The following ACRBP variants were observed in gnomAD, a reference collection of about 807,000 sequenced individuals.
The protein encoded by ACRBP is acrosin-binding protein.
A neutral mutation model predicts 69.0 loss-of-function variants in ACRBP; 52 were observed. That is an observed-to-expected ratio of 0.75 (90% CI 0.60 to 0.95). The LOEUF (loss-of-function observed/expected upper bound fraction) is 0.95. ACRBP is among the 40% of genes least tolerant of loss of function. ACRBP has a pLI of 0.00. For synonymous variants in ACRBP, 267 were observed against 258.9 expected, an observed-to-expected ratio of 1.03 and a Z score of -0.30; for missense variants, 604 against 673.0, an observed-to-expected ratio of 0.90 and a Z score of 1.13.
At position 6,640,639 on chromosome 12, in the gene ACRBP, GCTT is replaced by G. The variant is rs2136249261; in HGVS notation, c.1078-120_1078-118del. 8.5e-7 allele frequency: 1 copy of G among 1,179,446 alleles called. No individual in the cohort carries two copies. The highest frequency in any genetic ancestry group is 2.6e-5 in the Admixed American group (1 of 38,992). The allele number at this position is 1,179,446 out of a possible 1,614,324, so 73.1% of individuals were successfully genotyped here. A position where few individuals can be genotyped will look rare whatever the true frequency, so the allele number is the denominator to read the frequency against. On this transcript the variant is annotated intron_variant, in intron 6 of 9. Transcript: ENST00000229243. This position sits in a 1 kb window ranked among gnomAD's most constrained non-coding sequence, Gnocchi z 5.3. Reference sequence around the variant, plus strand: ...TCTTTGCATTTAGCCTCTTCCAAAAGCTTCTCTGGGTTTTCTACTTGGCCTCCT... The same window carrying G: ...TCTTTGCATTTAGCCTCTTCCAAAAGCTCTGGGTTTTCTACTTGGCCTCCT...
chr12:6,639,562 A>G (rs1039996203), intron 8 of ACRBP, among the ~76,000 whole-genome samples: 3 of 152,062 alleles, frequency 2.0e-5, no homozygotes, highest in African/African-American at 7.2e-5. Flanking sequence ...ACAGGAGGAG[A>G]GGCCTGGATC....
At chr12:6,645,389 G>A in intron 3 of ACRBP, 52 bp from the exon 4 acceptor site, 1 of 1,395,196 alleles carries the variant, frequency 7.2e-7, no homozygotes, top group Non-Finnish European at 1.0e-6. Context: ...GCAGACTTCT[G>A]CTCCAGCTGG....
At position 6,644,415 on chromosome 12, in the gene ACRBP, T is replaced by C. The variant is rs758605145; in HGVS notation, c.666A>G (p.Gln222=). ...TTCCCTCCTCTTCCTGTTCCTCTTC[T>C]TGCTCTTCCTGTTTCTGCCCCTCTT... ...KQEEGQKQEE[Q]EEEQEEEGKQ... is the part of the protein sequence containing the mutation. The change falls in exon 5 of 10, where the codon CAA becomes CAG. Residue 222 remains glutamine, a synonymous_variant. Coordinates refer to ENST00000229243, the MANE Select transcript of ACRBP (RefSeq NM_032489.3). 6.2e-7 allele frequency: 1 copy of C among 1,614,126 alleles called. No individual in the cohort carries two copies. Among genetic ancestry groups the C allele is most frequent in the East Asian group, 2.2e-5 (1 of 44,866 alleles).
At chr12:6,639,361 A>G (rs1031060077) in intron 8 of ACRBP, among the ~76,000 whole-genome samples, 1 of 152,168 alleles carries the variant, frequency 6.6e-6, no homozygotes, top group Non-Finnish European at 1.5e-5. Context: ...TAGTGGCCTG[A>G]TGTCAAGGAT....
intron 6 of ACRBP, among the ~76,000 whole-genome samples, chr12:6,641,660 C>T (rs151132870): frequency 8.0e-4 from 122 of 152,290 alleles, no homozygotes; most frequent in Middle Eastern, 6.8e-3. Context: ...TGTAATATTA[C>T]TGTATCCATA....
At chr12:6,644,638 C>G (rs1416036896) in intron 4 of ACRBP, 33 bp from the exon 5 acceptor site, 2 of 1,570,208 alleles carry the variant, frequency 1.3e-6, no homozygotes, top group East Asian at 2.2e-5. Context: ...GGGAGAGAGA[C>G]AGTCAGGCTT....
At chr12:6,641,200 A>G (rs953178969) in intron 6 of ACRBP, among the ~76,000 whole-genome samples, 4 of 152,186 alleles carry the variant, frequency 2.6e-5, no homozygotes, top group African/African-American at 7.2e-5. Flanking sequence ...CTTGGAAGCT[A>G]TTCTTCAGAG....
In ACRBP at chr12:6,640,258, T is replaced by C; in HGVS notation, c.1258-31A>G. The C allele has an allele frequency of 6.2e-7, 1 of 1,613,298 alleles. No homozygotes were observed. Among genetic ancestry groups the C allele is most frequent in the Non-Finnish European group, 8.5e-7 (1 of 1,179,394 alleles). Reference sequence around the variant, plus strand: ...GCACAGGAGATAGGGGAGAGGTGCGTGCCCCTCCCCACCTGCTGGCCACCA... The same window carrying C: ...GCACAGGAGATAGGGGAGAGGTGCGCGCCCCTCCCCACCTGCTGGCCACCA... On this transcript the variant is annotated intron_variant, in intron 7 of 9. Coordinates refer to ENST00000229243, the MANE Select transcript of ACRBP (RefSeq NM_032489.3). This position sits in a 1 kb window ranked among gnomAD's most constrained non-coding sequence, Gnocchi z 5.3.
In ACRBP at chr12:6,647,427, A is replaced by C. The variant is rs914567083; in HGVS notation, c.-61T>G. ...AGCCGCCTCTAACGGGCCAAGCCGC[A>C]GAGAGAGCCGCAGGCGCGGGGCGGG... On this transcript the variant is annotated 5_prime_UTR_variant, in exon 1 of 10. Coordinates refer to ENST00000229243, the MANE Select transcript of ACRBP (RefSeq NM_032489.3). 2.1e-6 allele frequency: 3 copies of C among 1,456,900 alleles called. No homozygotes were observed. The highest frequency in any genetic ancestry group is 2.9e-5 in the Admixed American group (1 of 34,352). The allele number at this position is 1,456,900 out of a possible 1,614,324, so 90.2% of individuals were successfully genotyped here.
Position 6,638,368 on chromosome 12 carries a change from T to C in ACRBP, c.1546A>G (p.Ser516Gly), listed in dbSNP as rs774380289. 1.9e-6 allele frequency: 3 copies of C among 1,613,984 alleles called. No homozygotes were observed. Among genetic ancestry groups the C allele is most frequent in the South Asian group, 2.2e-5 (2 of 91,088 alleles). ...TCACTTTTGCCAGGGCTCAGCGCAC[T>C]GTAAGTCTCATTCTGCAGACATCTC... is the stretch of plus-strand genomic sequence containing the variant. ...RMRCLQNETYSALSPGKSEDV... is the reference protein window; with the variant it reads ...RMRCLQNETYGALSPGKSEDV... The change falls in exon 10 of 10, where the codon AGT becomes GGT. Residue 516 changes from serine (S) to glycine (G), a missense_variant. Ser to Gly is a moderately conservative substitution (Grantham distance 56). This residue lies in a region of ACRBP where 51 missense variants were observed against 60.1 expected (regional missense o/e 0.85). Transcript: ENST00000229243.
chr12:6,642,689 T>TA (rs1263423311), intron 6 of ACRBP, among the ~76,000 whole-genome samples: 2 of 152,230 alleles, frequency 1.3e-5, no homozygotes, highest in Admixed American at 6.5e-5. Flanking sequence ...CATTCATTTT[T>TA]ATGTTATTCT....
rs937802667 is a variant in ACRBP, at chr12:6,640,964, T to C, written c.1078-442A>G. On this transcript the variant is annotated intron_variant, in intron 6 of 9. Coordinates refer to ENST00000229243, the MANE Select transcript of ACRBP (RefSeq NM_032489.3). This position sits in a 1 kb window ranked among gnomAD's most constrained non-coding sequence, Gnocchi z 5.3. ...AAGAGGTGACCCAGTGCCAGCACTA[T>C]GGCTACACATGCTCTCATTTCATTT... Among the ~76,000 whole-genome samples the C allele has an allele frequency of 3.9e-5, 6 of 152,358 alleles. No individual in the cohort carries two copies. Among genetic ancestry groups the C allele is most frequent in the African/African-American group, 1.4e-4 (6 of 41,592 alleles).
chr12:6,643,096 A>T (rs536201639), intron 6 of ACRBP, among the ~76,000 whole-genome samples: 13 of 151,910 alleles, frequency 8.6e-5, no homozygotes, highest in African/African-American at 2.9e-4. Flanking sequence ...TACAAAAAAT[A>T]AAAAAAAATT....
chr12:6,638,779 G>A (rs994654634), intron 9 of ACRBP, 175 bp downstream of exon 9: 36 of 1,452,374 alleles, frequency 2.5e-5, no homozygotes, highest in African/African-American at 1.0e-4. Context: ...CCTTGCTTCC[G>A]CCAGGACTGG....
chr12:6,642,248 C>G (rs917011715), intron 6 of ACRBP, among the ~76,000 whole-genome samples: 1 of 152,146 alleles, frequency 6.6e-6, no homozygotes. Context: ...AGTTTGTCCC[C>G]AATCAGTATT....
At chr12:6,646,728 G>T (rs1181002928) in intron 2 of ACRBP, 66 bp downstream of exon 2, 6 of 1,589,108 alleles carry the variant, frequency 3.8e-6, no homozygotes, top group South Asian at 1.1e-5. Context: ...GAGCACAGGG[G>T]TTTTTGCCCT....
chr12:6,645,673 T>TTC (rs1249941518), intron 3 of ACRBP, among the ~76,000 whole-genome samples: 1 of 150,930 alleles, frequency 6.6e-6, no homozygotes, highest in Non-Finnish European at 1.5e-5. Context: ...TTTGTTTTTT[T>TTC]TTTTTGAGAC....
chr12:6,645,186 G>T, intron 4 of ACRBP, 34 bp downstream of exon 4: 1 of 1,507,428 alleles, frequency 6.6e-7, no homozygotes, highest in Non-Finnish European at 9.2e-7. Context: ...TGTGGGAGTA[G>T]CTGGTGGTCT....
rs949218101 is a variant in ACRBP at position 6,640,613 on chromosome 12, G to A, written c.1078-91C>T. The A allele has an allele frequency of 1.4e-6, 2 of 1,402,522 alleles. No homozygotes were observed. Among genetic ancestry groups the A allele is most frequent in the African/African-American group, 2.9e-5 (2 of 70,138 alleles). 86.9% of individuals were successfully genotyped at this position (1,402,522 alleles called of 1,614,324 possible). ...CCCTCCAGGGTGGGCCCTGCAGAAT[G>A]TCTTTGCATTTAGCCTCTTCCAAAA... is the stretch of plus-strand genomic sequence containing the variant. On this transcript the variant is annotated intron_variant, in intron 6 of 9. Coordinates refer to ENST00000229243, the MANE Select transcript of ACRBP (RefSeq NM_032489.3). The surrounding 1 kb of genome is among the most constrained non-coding windows in gnomAD (Gnocchi z 5.3).
Sources: allele counts gnomAD v4.1 joint callset (sites outside exome capture counted in the v4.1 genomes callset), GRCh38; gene constraint gnomAD v4.1.1; regional missense constraint gnomAD v4.1.1; non-coding constraint Gnocchi (gnomAD v3.1); transcripts MANE v1.5; gene names NCBI Gene and HGNC (gene_info 2026-07-23, HGNC 2026-07-21).